Variants in NR3C2 observed in about 807,000 individuals in gnomAD.
NR3C2 encodes the protein nuclear receptor subfamily 3 group C member 2.
A neutral mutation model predicts 86.4 loss-of-function variants in NR3C2; 15 were observed. The ratio of observed to expected loss-of-function variants is 0.17; its 90% CI spans 0.12 to 0.27. NR3C2 has a LOEUF of 0.27. Ranked by LOEUF, NR3C2 falls within the 10% of genes least tolerant of loss-of-function variation. The pLI is 1.00. For synonymous variants in NR3C2, 458 were observed against 450.5 expected, an observed-to-expected ratio of 1.02 and a Z score of -0.21; for missense variants, 960 against 1,195.6, an observed-to-expected ratio of 0.80 and a Z score of 2.91.
chr4:148,316,861 G>C (rs570508450), intron 2 of NR3C2, among the ~76,000 whole-genome samples: 1 of 152,168 alleles, frequency 6.6e-6, no homozygotes, highest in Non-Finnish European at 1.5e-5. Flanking sequence ...GGATGTAGTG[G>C]TGTGATCATG....
chr4:148,334,556 A>T (rs1281758429), intron 2 of NR3C2, among the ~76,000 whole-genome samples: 1 of 152,176 alleles, frequency 6.6e-6, no homozygotes, highest in Non-Finnish European at 1.5e-5. Context: ...ACAAACAAAC[A>T]AACAAAAAAA....
intron 2 of NR3C2, among the ~76,000 whole-genome samples, chr4:148,294,898 G>C (rs1242059990): frequency 6.6e-6 from 1 of 152,080 alleles, no homozygotes; most frequent in Non-Finnish European, 1.5e-5. Flanking sequence ...TGAGACAGGA[G>C]GATTGCTTGA....
intron 2 of NR3C2, among the ~76,000 whole-genome samples, chr4:148,394,436 T>C (rs984157628): frequency 2.0e-5 from 3 of 151,474 alleles, no homozygotes; most frequent in African/African-American, 7.3e-5. Context: ...TCCCAGGACT[T>C]TGGGAGGCTG....
chr4:148,142,491 G>C (rs1578932307), intron 6 of NR3C2, among the ~76,000 whole-genome samples: 1 of 152,166 alleles, frequency 6.6e-6, no homozygotes, highest in East Asian at 1.9e-4. Context: ...AGGGGTGCAC[G>C]TCTTTCTTCC....
intron 3 of NR3C2, among the ~76,000 whole-genome samples, chr4:148,209,853 C>T (rs10010607): frequency 0.031 from 4,660 of 152,250 alleles, 242 homozygotes; most frequent in African/African-American, 0.11. Flanking sequence ...GCTAGAAGTT[C>T]CTAGAATGTT....
chr4:148,204,120 A>G (rs1291650869), intron 3 of NR3C2, among the ~76,000 whole-genome samples: 8 of 152,182 alleles, frequency 5.3e-5, no homozygotes, highest in Non-Finnish European at 1.0e-4. Context: ...TTTAATTATC[A>G]TAAGAATTTT....
chr4:148,383,164 C>T (rs1473457039), intron 2 of NR3C2, among the ~76,000 whole-genome samples: 2 of 152,120 alleles, frequency 1.3e-5, no homozygotes, highest in Admixed American at 1.3e-4. Flanking sequence ...TGTCATCACA[C>T]TACATGTTTC....
rs1750006689 is a variant in NR3C2 at position 148,435,526 on chromosome 4, T to TAAA, written c.1334_1335insTTT (p.Pro445_Thr446insLeu). 6.2e-7 allele frequency: 1 copy of TAAA among 1,614,048 alleles called. No homozygotes were observed. Among genetic ancestry groups the TAAA allele is most frequent in the African/African-American group, 1.3e-5 (1 of 74,944 alleles). ...CCATAAATGGAAACGGGTTTACTGT[T>TAAA]GGATTCCCTTTAAAAGAGGTGCCTG... On this transcript the variant is annotated inframe_insertion, in exon 2 of 9. Transcript: ENST00000358102.
chr4:148,128,163 C>T (rs1447583013), intron 6 of NR3C2, among the ~76,000 whole-genome samples: 1 of 152,110 alleles, frequency 6.6e-6, no homozygotes, highest in Non-Finnish European at 1.5e-5. Flanking sequence ...TAACTGAGCA[C>T]CTAAACAATC....
chr4:148,247,798 T>C (rs1019805834), intron 3 of NR3C2, among the ~76,000 whole-genome samples: 9 of 151,948 alleles, frequency 5.9e-5, no homozygotes, highest in Non-Finnish European at 1.2e-4. Flanking sequence ...TATCCCAAAT[T>C]GGCTCTAGCC....
intron 2 of NR3C2, among the ~76,000 whole-genome samples, chr4:148,305,243 T>C (rs1561030338): frequency 6.6e-6 from 1 of 152,170 alleles, no homozygotes; most frequent in East Asian, 1.9e-4. Context: ...TCAATTTTTG[T>C]TCTAGATCAA....
rs149842013 is a variant in NR3C2 at position 148,278,415 on chromosome 4, A to C, written c.1758-18298T>G. On this transcript the variant is annotated intron_variant, in intron 2 of 8. Coordinates refer to ENST00000358102, the MANE Select transcript of NR3C2 (RefSeq NM_000901.5). ...ACGCCCAGCCCAGAATCACGTTTTG[A>C]AATATAACCTATTTGTAAAGTAAAC... Among the ~76,000 whole-genome samples, 245 of 152,240 alleles carry C rather than the reference A, an allele frequency of 1.6e-3. 1 individual carries two copies. Among genetic ancestry groups the C allele is most frequent in the African/African-American group, 5.5e-3 (229 of 41,544 alleles).
rs1028940330 is a variant in NR3C2 at position 148,079,757 on chromosome 4, A to G, written c.*1587T>C. 1 of 152,650 alleles carries G rather than the reference A, an allele frequency of 6.6e-6. No individual in the cohort carries two copies. Among genetic ancestry groups the G allele is most frequent in the African/African-American group, 2.4e-5 (1 of 41,456 alleles). 9.5% of individuals were successfully genotyped at this position (152,650 alleles called of 1,614,324 possible). A position where few individuals can be genotyped will look rare whatever the true frequency, so the allele number is the denominator to read the frequency against. ...TTTTTCTCCAAAACTGTTTATGTAT[A>G]AAACTTATTTTTAAAACCTACCTTT... On this transcript the variant is annotated 3_prime_UTR_variant, in exon 9 of 9. Coordinates refer to ENST00000358102, the MANE Select transcript of NR3C2 (RefSeq NM_000901.5).
At chr4:148,093,307 C>T (rs1238349707) in intron 8 of NR3C2, among the ~76,000 whole-genome samples, 2 of 152,196 alleles carry the variant, frequency 1.3e-5, no homozygotes, top group African/African-American at 2.4e-5. Context: ...TCTCCCTGCT[C>T]GCAAAGGAAG....
At chr4:148,269,418 T>TA (rs539112094) in intron 2 of NR3C2, among the ~76,000 whole-genome samples, 26 of 151,524 alleles carry the variant, frequency 1.7e-4, no homozygotes, top group South Asian at 4.2e-4. Context: ...TATATTAAAG[T>TA]AAAAAAAAAT....
chr4:148,266,438 A>G (rs1397878053), intron 2 of NR3C2, among the ~76,000 whole-genome samples: 1 of 152,198 alleles, frequency 6.6e-6, no homozygotes, highest in African/African-American at 2.4e-5. Context: ...TGCCAAAGGT[A>G]AGGGCAAGTG....
intron 3 of NR3C2, among the ~76,000 whole-genome samples, chr4:148,229,689 A>G (rs114018829): frequency 1.4e-3 from 211 of 152,310 alleles, no homozygotes; most frequent in African/African-American, 4.4e-3. Flanking sequence ...AGATCTGCTA[A>G]AGTAAAGCAA....
At chr4:148,152,040 G>C (rs540522263) in intron 6 of NR3C2, among the ~76,000 whole-genome samples, 1 of 152,302 alleles carries the variant, frequency 6.6e-6, no homozygotes, top group African/African-American at 2.4e-5. Context: ...ACATTGAGCA[G>C]CTGTATACTG....
chr4:148,180,023 A>G (rs1735569851), intron 4 of NR3C2, among the ~76,000 whole-genome samples: 2 of 151,820 alleles, frequency 1.3e-5, no homozygotes, highest in Admixed American at 1.3e-4. Context: ...CTCTTTTATA[A>G]AACTCAATAC....
Sources: gnomAD v4.1 joint callset for allele counts (sites outside exome capture counted in the v4.1 genomes callset) on GRCh38, gnomAD v4.1.1 for gene constraint, MANE v1.5 for transcripts, NCBI Gene and HGNC (gene_info 2026-07-23, HGNC 2026-07-21) for gene names.